COL22A1: variants seen among roughly 807,000 people sequenced by gnomAD.
COL22A1 encodes the protein collagen type XXII alpha 1 chain.
COL22A1 carries 221 observed loss-of-function variants against 248.9 expected under a neutral mutation model. The observed-to-expected ratio is 0.89, with a 90% CI of 0.80 to 0.99. COL22A1 has a LOEUF of 0.99. COL22A1 is among the 50% of genes least tolerant of loss of function. COL22A1 has a pLI of 0.00. For synonymous variants in COL22A1, 891 were observed against 793.4 expected, an observed-to-expected ratio of 1.12 and a Z score of -2.07; for missense variants, 2,240 against 2,179.0, an observed-to-expected ratio of 1.03 and a Z score of -0.56.
intron 35 of COL22A1, among the ~76,000 whole-genome samples, chr8:138,692,617 A>G (rs1226598162): frequency 6.6e-6 from 1 of 151,530 alleles, no homozygotes; most frequent in East Asian, 1.9e-4. Flanking sequence ...AGGTGGGTCA[A>G]CTCTATAGGT....
intron 56 of COL22A1, 89 bp downstream of exon 56, chr8:138,613,778 C>T: frequency 8.6e-7 from 1 of 1,164,702 alleles, no homozygotes; most frequent in East Asian, 2.3e-5. Flanking sequence ...ACAATATATA[C>T]AGTGGCACCA....
At position 138,662,187 on chromosome 8, in the gene COL22A1, G is replaced by A. The variant is rs889798693; in HGVS notation, c.3187-104C>T. ...GCTCTCCTTCAACACATGGTCTGTT[G>A]CTATGAGGAATCTGATGCAACATGT... On this transcript the variant is annotated intron_variant, in intron 42 of 64. Coordinates refer to ENST00000303045, the MANE Select transcript of COL22A1 (RefSeq NM_152888.3). The A allele has an allele frequency of 5.5e-6, 5 of 903,528 alleles. No homozygotes were observed. In the Admixed American group the frequency reaches 1.1e-4, roughly 20 times the overall value. 56.0% of individuals were successfully genotyped at this position (903,528 alleles called of 1,614,324 possible). A position where few individuals can be genotyped will look rare whatever the true frequency, so the allele number is the denominator to read the frequency against.
intron 1 of COL22A1, among the ~76,000 whole-genome samples, chr8:138,893,008 G>A (rs1825169672): frequency 6.6e-6 from 1 of 152,172 alleles, no homozygotes. Flanking sequence ...GACCCAGCTT[G>A]GAACGACTGG....
chr8:138,596,928 C>T lies in COL22A1; in HGVS notation c.4408G>A (p.Glu1470Lys), dbSNP rs760445878. The T allele has an allele frequency of 2.9e-5, 46 of 1,613,976 alleles. 1 individual carries two copies. The highest frequency in any genetic ancestry group is 3.3e-4 in the Middle Eastern group (2 of 6,082). The change falls in exon 62 of 65, where the codon GAA becomes AAA. Residue 1470 changes from glutamate to lysine, a missense_variant. Transcript: ENST00000303045. ...CTTTCAAGCTGCTTCCCCAGCTCTT[C>T]TTGAATAAGCCGACGCAGGGTTTCC... ...SMETLRRLIQ[E>K]ELGKQLETRL... is the part of the protein sequence containing the mutation.
At chr8:138,889,208 C>G (rs1455906811) in intron 1 of COL22A1, among the ~76,000 whole-genome samples, 1 of 150,678 alleles carries the variant, frequency 6.6e-6, no homozygotes, top group African/African-American at 2.4e-5. Flanking sequence ...TAGGCCTCTT[C>G]TGGGCACTAA....
intron 4 of COL22A1, among the ~76,000 whole-genome samples, chr8:138,839,620 A>G (rs767934603): frequency 4.6e-5 from 7 of 152,064 alleles, no homozygotes; most frequent in Non-Finnish European, 1.0e-4. Context: ...GGTGAGTGAG[A>G]TGAGGGCAGG....
chr8:138,625,022 C>T (rs899588232), intron 51 of COL22A1, among the ~76,000 whole-genome samples: 3 of 152,188 alleles, frequency 2.0e-5, no homozygotes, highest in Admixed American at 6.5e-5. Context: ...TTCAATGTTA[C>T]GTCCTCAGAT....
rs372887446 is a variant in COL22A1, at chr8:138,703,292, G to A, written c.2559+14C>T. The A allele has an allele frequency of 1.4e-5, 22 of 1,609,564 alleles. No homozygotes were observed. The African/African-American group carries it at 2.5e-4, about 19-fold the overall frequency. On this transcript the variant is annotated intron_variant, in intron 31 of 64. Coordinates refer to ENST00000303045, the MANE Select transcript of COL22A1 (RefSeq NM_152888.3). Reference sequence around the variant, plus strand: ...GAATTCAGAGGAGAAAGAATTAGAAGCGGAGTAACTTACAGTTCCAGGTAA... The same window carrying A: ...GAATTCAGAGGAGAAAGAATTAGAAACGGAGTAACTTACAGTTCCAGGTAA...
At position 138,724,666 on chromosome 8, in the gene COL22A1, A is replaced by G. The variant is rs747169741; in HGVS notation, c.2196T>C (p.Gly732=). The change falls in exon 25 of 65, where the codon GGT becomes GGC. Residue 732 remains glycine, a splice_region_variant and synonymous_variant. Coordinates refer to ENST00000303045, the MANE Select transcript of COL22A1 (RefSeq NM_152888.3). ...PGPPGPGGSP[G]LPGEIGFPGK... ...CCGGGAAGCCGATCTCTCCAGGCAA[A>G]CCCTGAAAGGGGACCACATGGACCC... 1.2e-6 allele frequency: 2 copies of G among 1,614,084 alleles called. No individual in the cohort carries two copies. Among genetic ancestry groups the G allele is most frequent in the East Asian group, 2.2e-5 (1 of 44,874 alleles).
At chr8:138,836,124 A>T (rs934145629) in intron 4 of COL22A1, among the ~76,000 whole-genome samples, 1 of 152,188 alleles carries the variant, frequency 6.6e-6, no homozygotes, top group Non-Finnish European at 1.5e-5. Flanking sequence ...TATAAAAATT[A>T]GCCAGGGGTG....
At chr8:138,651,049 CG>C (rs529448491) in intron 45 of COL22A1, among the ~76,000 whole-genome samples, 2 of 152,136 alleles carry the variant, frequency 1.3e-5, no homozygotes, top group Non-Finnish European at 2.9e-5. Context: ...TCTTGGTCTC[CG>C]ATTTCAGGAT....
chr8:138,834,428 G>T (rs1325847535), intron 4 of COL22A1, among the ~76,000 whole-genome samples: 3 of 151,776 alleles, frequency 2.0e-5, no homozygotes, highest in African/African-American at 7.3e-5. Flanking sequence ...ACTAAATTCT[G>T]CCCAAAGAGA....
intron 16 of COL22A1, among the ~76,000 whole-genome samples, chr8:138,765,831 G>T (rs533801235): frequency 6.6e-6 from 1 of 152,332 alleles, no homozygotes; most frequent in African/African-American, 2.4e-5. Flanking sequence ...AGAGCCGGCT[G>T]CACAGCTGTG....
intron 39 of COL22A1, among the ~76,000 whole-genome samples, chr8:138,680,990 C>G (rs1825918102): frequency 6.6e-6 from 1 of 152,108 alleles, no homozygotes; most frequent in African/African-American, 2.4e-5. Flanking sequence ...ACTCTTCCCC[C>G]CGGGGGGGGT....
At chr8:138,712,988 G>A (rs1009157897) in intron 30 of COL22A1, among the ~76,000 whole-genome samples, 4 of 152,194 alleles carry the variant, frequency 2.6e-5, no homozygotes, top group African/African-American at 9.7e-5. Flanking sequence ...TATCTTTGGT[G>A]AAAGGGTAAG....
chr8:138,897,245 C>T (rs1825483828), intron 1 of COL22A1, among the ~76,000 whole-genome samples: 1 of 151,874 alleles, frequency 6.6e-6, no homozygotes, highest in Admixed American at 6.6e-5. Flanking sequence ...TGTGCCAGAC[C>T]CTTCCACAAA....
At position 138,715,770 on chromosome 8, in the gene COL22A1, C is replaced by G. The variant is rs1405132211; in HGVS notation, c.2464-35G>C. On this transcript the variant is annotated intron_variant, in intron 29 of 64. Transcript: ENST00000303045. ...AAGATAAAATTAGAAAACATTAGAA[C>G]CCAAACCGAGCTGAATTCCTGCCTC... 2.0e-6 allele frequency: 3 copies of G among 1,511,894 alleles called. No individual in the cohort carries two copies. The South Asian group carries it at 3.5e-5, about 18-fold the overall frequency. The allele number at this position is 1,511,894 out of a possible 1,614,324, so 93.7% of individuals were successfully genotyped here.
At chr8:138,853,928 C>G (rs1821821065) in intron 3 of COL22A1, among the ~76,000 whole-genome samples, 2 of 152,192 alleles carry the variant, frequency 1.3e-5, no homozygotes, top group Non-Finnish European at 2.9e-5. Context: ...GTGTGCCCTG[C>G]AGAGATGGTC....
At chr8:138,669,352 T>C (rs1472468516) in intron 41 of COL22A1, among the ~76,000 whole-genome samples, 1 of 152,142 alleles carries the variant, frequency 6.6e-6, no homozygotes, top group Non-Finnish European at 1.5e-5. Flanking sequence ...GAGGCAGAGA[T>C]GAGGGTCCTG....
Sources: allele counts gnomAD v4.1 joint callset (sites outside exome capture counted in the v4.1 genomes callset), GRCh38; gene constraint gnomAD v4.1.1; transcripts MANE v1.5; gene names NCBI Gene and HGNC (gene_info 2026-07-23, HGNC 2026-07-21).